The following TBCK variants were observed in gnomAD, a reference collection of about 807,000 sequenced individuals.
TBCK encodes the protein TBC domain-containing protein kinase-like protein.
Under a neutral mutation model 113.4 loss-of-function variants are expected in TBCK, and 99 were observed. That is an observed-to-expected ratio of 0.87 (90% confidence interval 0.74 to 1.03). The LOEUF is 1.03. TBCK is among the 50% of genes least tolerant of loss of function. The pLI is 0.00. For synonymous variants in TBCK, 369 were observed against 370.8 expected (o/e 1.00, Z 0.05); for missense variants, 1,045 against 1,061.3 (o/e 0.98, Z 0.21).
chr4:106,209,368 T>G (rs183993884), intron 20 of TBCK, among the ~76,000 whole-genome samples: 1 of 146,786 alleles, frequency 6.8e-6, no homozygotes, highest in African/African-American at 2.7e-5. Flanking sequence ...ACTCTAAAAT[T>G]TTTTAAACCA....
At chr4:106,240,580 A>T (rs1579360476) in intron 12 of TBCK, among the ~76,000 whole-genome samples, 1 of 152,028 alleles carries the variant, frequency 6.6e-6, no homozygotes, top group South Asian at 2.1e-4. Context: ...TTTATTTTTT[A>T]AAATCCTCTA....
At chr4:106,272,587 G>A (rs1763610583) in intron 3 of TBCK, among the ~76,000 whole-genome samples, 1 of 150,286 alleles carries the variant, frequency 6.7e-6, no homozygotes, top group Non-Finnish European at 1.5e-5. Context: ...CGTCTCCCAG[G>A]TTCATGCCAT....
chr4:106,257,371 G>A (rs1364451133), intron 5 of TBCK, among the ~76,000 whole-genome samples: 1 of 152,040 alleles, frequency 6.6e-6, no homozygotes, highest in Non-Finnish European at 1.5e-5. Flanking sequence ...TATCATCTAT[G>A]TAATATATAT....
intron 23 of TBCK, among the ~76,000 whole-genome samples, chr4:106,121,157 C>T (rs1283760962): frequency 6.6e-6 from 1 of 151,152 alleles, no homozygotes; most frequent in Non-Finnish European, 1.5e-5. Context: ...CACATAGGCT[C>T]AAAATAAAAG....
At chr4:106,292,548 C>T (rs1417622384) in intron 3 of TBCK, among the ~76,000 whole-genome samples, 3 of 147,824 alleles carry the variant, frequency 2.0e-5, no homozygotes, top group African/African-American at 5.0e-5. Flanking sequence ...CCAGCCTGGG[C>T]GACAGAGCAA....
chr4:106,311,156 A>G (rs953797235), intron 1 of TBCK, among the ~76,000 whole-genome samples: 2 of 151,330 alleles, frequency 1.3e-5, no homozygotes, highest in Admixed American at 6.6e-5. Context: ...AAATCACTAG[A>G]TATGTTTTAC....
chr4:106,106,286 T>C (rs1742143057), intron 24 of TBCK, among the ~76,000 whole-genome samples: 1 of 152,078 alleles, frequency 6.6e-6, no homozygotes, highest in Non-Finnish European at 1.5e-5. Flanking sequence ...ATTCAGGAAA[T>C]ACAGAGAACT....
intron 23 of TBCK, among the ~76,000 whole-genome samples, chr4:106,155,158 T>TC (rs398107782): frequency 6.6e-6 from 1 of 151,906 alleles, no homozygotes; most frequent in East Asian, 1.9e-4. Context: ...TTTTTTTTTT[T>TC]CAGCACTTTA....
At chr4:106,266,642 GTTTC>G (rs1434501420) in intron 3 of TBCK, among the ~76,000 whole-genome samples, 1 of 151,664 alleles carries the variant, frequency 6.6e-6, no homozygotes, top group Non-Finnish European at 1.5e-5. Flanking sequence ...ATGACATACC[GTTTC>G]TTAGCTATTA....
At chr4:106,290,398 G>GT (rs1253773312) in intron 3 of TBCK, among the ~76,000 whole-genome samples, 4 of 151,972 alleles carry the variant, frequency 2.6e-5, no homozygotes, top group Non-Finnish European at 4.4e-5. Flanking sequence ...AGATGGTCTC[G>GT]ATCTCCTGAC....
Position 106,095,527 on chromosome 4 carries a change from C to T in TBCK, c.2526G>A (p.Gly842=). Residue 842 remains glycine, a synonymous_variant, in exon 25 of 26, where the codon GGG becomes GGA. Coordinates refer to ENST00000394708, the MANE Select transcript of TBCK (RefSeq NM_001163435.3). ...CATGCCCCACGATGACAATGACCTTCCCTTTGAAGTTCTGGAGCATAGCAG... is the reference window on the plus strand; with the variant it reads ...CATGCCCCACGATGACAATGACCTTTCCTTTGAAGTTCTGGAGCATAGCAG... ...PYTAMLQNFK[G]KVIVIVGHVA... 2 of 1,614,122 alleles carry T rather than the reference C, an allele frequency of 1.2e-6. No individual in the cohort carries two copies. The highest frequency in any genetic ancestry group is 1.7e-6 in the Non-Finnish European group (2 of 1,179,984).
rs1759120470 is a variant in TBCK at position 106,233,619 on chromosome 4, T to A, written c.1481A>T (p.Asp494Val). The change falls in exon 16 of 26, where the codon GAT becomes GTT. Residue 494 changes from aspartate to valine, a missense_variant. Coordinates refer to ENST00000394708, the MANE Select transcript of TBCK (RefSeq NM_001163435.3). ...ATCTGTAGGAATTGGAGTGTCTTTA[T>A]CAATTGCATCGTACTTGGCATGAAT... Reference protein sequence around the residue: ...GAIHAKYDAIDKDTPIPTDRQ... With the variant: ...GAIHAKYDAIVKDTPIPTDRQ... The A allele has an allele frequency of 7.4e-6, 12 of 1,611,392 alleles. No homozygotes were observed. Among genetic ancestry groups the A allele is most frequent in the Non-Finnish European group, 1.0e-5 (12 of 1,178,504 alleles).
chr4:106,198,010 A>G (rs1754458851), intron 20 of TBCK, among the ~76,000 whole-genome samples: 1 of 152,108 alleles, frequency 6.6e-6, no homozygotes. Flanking sequence ...TAAATATGCA[A>G]CTGTGATGAC....
intron 3 of TBCK, among the ~76,000 whole-genome samples, chr4:106,289,445 G>T (rs1260763242): frequency 6.6e-6 from 1 of 152,116 alleles, no homozygotes; most frequent in Non-Finnish European, 1.5e-5. Flanking sequence ...TAACATATTA[G>T]TCTATAAAAA....
intron 2 of TBCK, among the ~76,000 whole-genome samples, chr4:106,307,365 G>A (rs1026729423): frequency 1.6e-4 from 24 of 152,136 alleles, no homozygotes; most frequent in Admixed American, 2.6e-4. Flanking sequence ...ATTAAAATAT[G>A]TAAAACACTA....
intron 3 of TBCK, among the ~76,000 whole-genome samples, chr4:106,273,956 T>A (rs969627079): frequency 1.3e-5 from 2 of 152,180 alleles, no homozygotes; most frequent in African/African-American, 4.8e-5. Flanking sequence ...ATAGCCCCCA[T>A]CCTGAAGCTA....
intron 25 of TBCK, among the ~76,000 whole-genome samples, chr4:106,052,942 C>T (rs963752819): frequency 6.6e-6 from 1 of 151,548 alleles, no homozygotes; most frequent in African/African-American, 2.4e-5. Flanking sequence ...AAACATGTAT[C>T]ACTGAAATAA....
intron 19 of TBCK, among the ~76,000 whole-genome samples, chr4:106,215,128 G>C (rs1230177747): frequency 6.6e-6 from 1 of 151,394 alleles, no homozygotes; most frequent in Non-Finnish European, 1.5e-5. Flanking sequence ...CTTCATAAGT[G>C]AAGGAGAAAT....
chr4:106,256,604 C>T (rs115971999), intron 5 of TBCK, among the ~76,000 whole-genome samples: 3,997 of 152,104 alleles, frequency 0.026, 188 homozygotes, highest in African/African-American at 0.091. Context: ...TGCCTGCTTC[C>T]GGCCCCCAAG....
Sources: gnomAD v4.1 joint callset for allele counts (sites outside exome capture counted in the v4.1 genomes callset) on GRCh38, gnomAD v4.1.1 for gene constraint, MANE v1.5 for transcripts, NCBI Gene and HGNC (gene_info 2026-07-23, HGNC 2026-07-21) for gene names.